The following TAF3 variants were observed in gnomAD, a reference collection of about 807,000 sequenced individuals.
TAF3 encodes the protein transcription initiation factor TFIID subunit 3.
In TAF3, 7 loss-of-function variants were observed where a neutral mutation model predicts 80.6. The ratio of observed to expected loss-of-function variants is 0.09; its 90% confidence interval spans 0.05 to 0.16. The LOEUF is 0.16. Among genes scored for constraint, TAF3 ranks in the 10% least tolerant of loss-of-function variants. TAF3 has a pLI of 1.00. For synonymous variants in TAF3, 444 were observed against 446.1 expected (o/e 1.00, Z 0.06); for missense variants, 921 against 1,140.2 (o/e 0.81, Z 2.77).
At chr10:7,857,877 T>A (rs1027146009) in intron 2 of TAF3, among the ~76,000 whole-genome samples, 1 of 151,304 alleles carries the variant, frequency 6.6e-6, no homozygotes, top group Non-Finnish European at 1.5e-5. Flanking sequence ...TTTTCAGCTA[T>A]ATCACACCCC....
intron 2 of TAF3, among the ~76,000 whole-genome samples, chr10:7,858,177 A>G (rs1426333633): frequency 6.6e-6 from 1 of 152,156 alleles, no homozygotes; most frequent in African/African-American, 2.4e-5. Flanking sequence ...CAAAATAACG[A>G]TTGGCCTGGC....
At position 7,964,836 on chromosome 10, in the gene TAF3, T is replaced by G. The variant is rs1311695835; in HGVS notation, c.1326T>G (p.Asn442Lys). The G allele has an allele frequency of 6.2e-7, 1 of 1,614,004 alleles. No individual in the cohort carries two copies. The highest frequency in any genetic ancestry group is 8.5e-7 in the Non-Finnish European group (1 of 1,180,020). Residue 442 changes from asparagine to lysine, a missense_variant, in exon 3 of 7, where the codon AAT becomes AAG. This residue lies in a region of TAF3 where 743 missense variants were observed against 821.0 expected (regional missense o/e 0.90). Coordinates refer to ENST00000344293, the MANE Select transcript of TAF3 (RefSeq NM_031923.4). The surrounding 1 kb of genome is among the most constrained non-coding windows in gnomAD (Gnocchi z 4.1). Reference sequence around the variant, plus strand: ...CCAAAGCTTCCACTTCCGCGAACAATTTCACAAAGTCAGGATCCACTCCTC... The same window carrying G: ...CCAAAGCTTCCACTTCCGCGAACAAGTTCACAAAGTCAGGATCCACTCCTC... ...TTPKASTSAN[N>K]FTKSGSTPLP...
chr10:7,987,326 TA>T (rs1264458665), intron 4 of TAF3, among the ~76,000 whole-genome samples: 1 of 151,134 alleles, frequency 6.6e-6, no homozygotes, highest in East Asian at 1.9e-4. Flanking sequence ...CAAAAAAAAA[TA>T]AAAAAAGAAC....
chr10:7,858,969 A>G (rs915445770), intron 2 of TAF3, among the ~76,000 whole-genome samples: 4 of 152,150 alleles, frequency 2.6e-5, no homozygotes, highest in Admixed American at 2.6e-4. Context: ...AGGCCTTTCT[A>G]GAACACCTTA....
At chr10:7,949,922 G>A (rs1399535765) in intron 2 of TAF3, among the ~76,000 whole-genome samples, 1 of 152,196 alleles carries the variant, frequency 6.6e-6, no homozygotes, top group African/African-American at 2.4e-5. Flanking sequence ...AATAAAGATA[G>A]GAAGATACTA....
At chr10:7,855,770 C>T (rs1024671310) in intron 2 of TAF3, among the ~76,000 whole-genome samples, 2 of 151,906 alleles carry the variant, frequency 1.3e-5, no homozygotes, top group African/African-American at 4.8e-5. Flanking sequence ...AACAGTCATG[C>T]AAGAGGAATT....
intron 2 of TAF3, among the ~76,000 whole-genome samples, chr10:7,830,237 A>C (rs1384124233): frequency 6.6e-6 from 1 of 152,098 alleles, no homozygotes. Context: ...GATCTGAAGG[A>C]AATTTAAACC....
At chr10:8,002,262 T>C (rs1204922579) in intron 4 of TAF3, among the ~76,000 whole-genome samples, 1 of 152,208 alleles carries the variant, frequency 6.6e-6, no homozygotes, top group African/African-American at 2.4e-5. Flanking sequence ...GTTTCTTCTC[T>C]TTTCTTTTTT....
At position 8,014,776 on chromosome 10, in the gene TAF3, C is replaced by T. The variant is rs1237329611; in HGVS notation, c.*25C>T. ...ACGACTCCCGAGGGGCTGGACCAAG[C>T]GGGGTCAGCCCGGGCTTCTTCCCTG... is the stretch of plus-strand genomic sequence containing the variant. On this transcript the variant is annotated 3_prime_UTR_variant, in exon 7 of 7. Transcript: ENST00000344293. 19 of 1,552,914 alleles carry T rather than the reference C, an allele frequency of 1.2e-5. 1 individual carries two copies. The highest frequency in any genetic ancestry group is 3.6e-5 in the South Asian group (3 of 84,242).
chr10:7,851,073 T>G (rs979701788), intron 2 of TAF3, among the ~76,000 whole-genome samples: 9 of 152,186 alleles, frequency 5.9e-5, no homozygotes, highest in African/African-American at 2.2e-4. Flanking sequence ...ACATAACAAA[T>G]AAGTAAATTC....
At position 7,965,456 on chromosome 10, in the gene TAF3, C is replaced by G; in HGVS notation, c.1946C>G (p.Ala649Gly). ...KDKGREDKMKAPAPPLVLPPK... is the reference protein window; with the variant it reads ...KDKGREDKMKGPAPPLVLPPK... ...AAAGGCAGAGAAGATAAGATGAAAG[C>G]CCCAGCACCCCCACTGGTGTTGCCC... The change falls in exon 3 of 7, where the codon GCC becomes GGC. Residue 649 changes from alanine (A) to glycine (G), a missense_variant. Ala to Gly is a moderately conservative substitution (Grantham distance 60, BLOSUM62 0). Coordinates refer to ENST00000344293, the MANE Select transcript of TAF3 (RefSeq NM_031923.4). 1 of 1,613,360 alleles carries G rather than the reference C, an allele frequency of 6.2e-7. No individual in the cohort carries two copies. The highest frequency in any genetic ancestry group is 8.5e-7 in the Non-Finnish European group (1 of 1,179,860).
At position 7,835,268 on chromosome 10, in the gene TAF3, A is replaced by G. The variant is rs1457445904; in HGVS notation, c.409+10708A>G. Among the ~76,000 whole-genome samples, 4 of 152,158 alleles carry G rather than the reference A, an allele frequency of 2.6e-5. No individual in the cohort carries two copies. In the East Asian group the frequency reaches 7.7e-4, roughly 29 times the overall value. The stretch of plus-strand genomic sequence containing the variant: ...TCATAATGTTTTAAGAAAGTTTACA[A>G]CTTTGTGTTGGGCTGCATTCAAAGC... On this transcript the variant is annotated intron_variant, in intron 2 of 6. Coordinates refer to ENST00000344293, the MANE Select transcript of TAF3 (RefSeq NM_031923.4).
chr10:8,005,104 CAA>C (rs888217560), intron 4 of TAF3, among the ~76,000 whole-genome samples: 2 of 152,168 alleles, frequency 1.3e-5, no homozygotes, highest in Non-Finnish European at 2.9e-5. Flanking sequence ...TCCACTAGAT[CAA>C]GTCACTCTCT....
chr10:7,877,477 C>G (rs1224578347), intron 2 of TAF3, among the ~76,000 whole-genome samples: 1 of 152,062 alleles, frequency 6.6e-6, no homozygotes, highest in Non-Finnish European at 1.5e-5. Flanking sequence ...CTTTAAGACA[C>G]ATAGAAAAAA....
chr10:7,918,985 G>A (rs1837738593), intron 2 of TAF3, among the ~76,000 whole-genome samples: 1 of 152,176 alleles, frequency 6.6e-6, no homozygotes, highest in Admixed American at 6.5e-5. Flanking sequence ...CCAGTTGAGG[G>A]GGCTGTGATG....
intron 4 of TAF3, among the ~76,000 whole-genome samples, chr10:7,990,737 G>A (rs1831825730): frequency 6.6e-6 from 1 of 152,224 alleles, no homozygotes; most frequent in Non-Finnish European, 1.5e-5. Context: ...AAAGGTCTCT[G>A]TAGGGCCTGT....
chr10:7,912,618 G>A (rs1837667030), intron 2 of TAF3, among the ~76,000 whole-genome samples: 1 of 152,100 alleles, frequency 6.6e-6, no homozygotes, highest in East Asian at 1.9e-4. Context: ...TGAAATACAT[G>A]GTAATTCTGA....
At chr10:7,880,511 G>A (rs148909300) in intron 2 of TAF3, among the ~76,000 whole-genome samples, 1,867 of 152,300 alleles carry the variant, frequency 0.012, 150 homozygotes, top group Admixed American at 0.11. Context: ...GTGAGCCACA[G>A]TTAAGTAACA....
intron 2 of TAF3, among the ~76,000 whole-genome samples, chr10:7,887,128 G>A (rs565495262): frequency 9.2e-5 from 14 of 151,914 alleles, no homozygotes; most frequent in African/African-American, 2.4e-4. Context: ...CCAGCTACTC[G>A]GGAGACAGGC....
Sources: allele counts gnomAD v4.1 joint callset (sites outside exome capture counted in the v4.1 genomes callset), GRCh38; gene constraint gnomAD v4.1.1; regional missense constraint gnomAD v4.1.1; non-coding constraint Gnocchi (gnomAD v3.1); transcripts MANE v1.5; gene names NCBI Gene and HGNC (gene_info 2026-07-23, HGNC 2026-07-21).